The following DOP1B variants were observed in gnomAD, a reference collection of about 807,000 sequenced individuals.
DOP1B encodes the protein protein DOP1B.
Under a neutral mutation model 233.5 loss-of-function variants are expected in DOP1B, and 174 were observed. The ratio of observed to expected loss-of-function variants is 0.75; its 90% CI spans 0.66 to 0.85. The LOEUF (loss-of-function observed/expected upper bound fraction) is 0.85. Ranked by LOEUF, DOP1B falls within the 40% of genes least tolerant of loss-of-function variation. The probability of loss-of-function intolerance (pLI) is 0.00; values close to 1 mark genes in which losing one functional copy is unlikely to be tolerated. For synonymous variants in DOP1B, 1,190 were observed against 1,185.6 expected, an observed-to-expected ratio of 1.00 and a Z score of -0.08; for missense variants, 2,652 against 2,846.6, an observed-to-expected ratio of 0.93 and a Z score of 1.56.
Position 36,214,096 on chromosome 21 carries a change from G to T in DOP1B, c.920G>T (p.Gly307Val). The T allele has an allele frequency of 6.2e-7, 1 of 1,613,694 alleles. No individual in the cohort carries two copies. ...YAWLLGSDIK[G>V]NTVVPESEIS... Reference sequence around the variant, plus strand: ...TCTTTTGTAGGCTCAGACATAAAAGGAAATACCGTTGTGCCAGAATCTGAA... The same window carrying T: ...TCTTTTGTAGGCTCAGACATAAAAGTAAATACCGTTGTGCCAGAATCTGAA... Residue 307 changes from glycine to valine, a missense_variant, in exon 8 of 37, where the codon GGA (glycine) becomes GTA (valine). Physicochemically the swap from Gly to Val is moderately radical, Grantham distance 109. Coordinates refer to ENST00000691173, the MANE Select transcript of DOP1B (RefSeq NM_001320714.2).
chr21:36,227,761 A>G lies in DOP1B; in HGVS notation c.1549A>G (p.Met517Val), dbSNP rs1214646992. The G allele has an allele frequency of 1.9e-5, 30 of 1,613,664 alleles. No homozygotes were observed. Among genetic ancestry groups the G allele is most frequent in the Non-Finnish European group, 2.4e-5 (28 of 1,179,618 alleles). The change falls in exon 13 of 37, where the codon ATG becomes GTG. Residue 517 changes from methionine (M) to valine (V), a missense_variant. Transcript: ENST00000691173. ...CCTGGTGCAGCCTCTTGCTGAGGAC[A>G]TGGAGGCCTTAAGTTTACCTGAACT... ...GCLVQPLAED[M>V]EALSLPELTH...
chr21:36,251,308 G>T, intron 22 of DOP1B, 24 bp downstream of exon 22: 1 of 1,600,200 alleles, frequency 6.2e-7, no homozygotes, highest in South Asian at 1.1e-5. Flanking sequence ...AGTTACAGGA[G>T]TGGTTAAACT....
chr21:36,196,873 C>T (rs558019615), intron 2 of DOP1B, among the ~76,000 whole-genome samples: 19 of 152,012 alleles, frequency 1.2e-4, no homozygotes, highest in Admixed American at 1.1e-3. Context: ...GAACCATGAT[C>T]GCACACTTGC....
chr21:36,290,659 G>A (rs968766868), intron 35 of DOP1B, among the ~76,000 whole-genome samples: 1 of 152,056 alleles, frequency 6.6e-6, no homozygotes, highest in East Asian at 1.9e-4. Context: ...GCATGGTGGC[G>A]TATGCCTGTA....
chr21:36,188,153 C>G (rs551970676), intron 2 of DOP1B, among the ~76,000 whole-genome samples: 1 of 152,302 alleles, frequency 6.6e-6, no homozygotes, highest in East Asian at 1.9e-4. Flanking sequence ...TGATTAATCA[C>G]GTGCATGGCC....
intron 23 of DOP1B, among the ~76,000 whole-genome samples, chr21:36,256,775 A>AT (rs1484659206): frequency 6.6e-6 from 1 of 151,884 alleles, no homozygotes; most frequent in Non-Finnish European, 1.5e-5. Flanking sequence ...AAAAAAAAAA[A>AT]CAACTGTGTC....
intron 15 of DOP1B, among the ~76,000 whole-genome samples, chr21:36,236,567 T>C (rs2066829160): frequency 6.6e-6 from 1 of 152,130 alleles, no homozygotes; most frequent in Admixed American, 6.6e-5. Context: ...CCCCAGTGCC[T>C]GCTCGGCACC....
Position 36,214,575 on chromosome 21 carries a change from C to T in DOP1B, c.1129+19C>T, listed in dbSNP as rs1157893752. 4 of 1,602,878 alleles carry T rather than the reference C, an allele frequency of 2.5e-6. No homozygotes were observed. The highest frequency in any genetic ancestry group is 3.4e-6 in the Non-Finnish European group (4 of 1,170,460). On this transcript the variant is annotated intron_variant, in intron 9 of 36. Transcript: ENST00000691173. Reference sequence around the variant, plus strand: ...GAAATAGGTAATGTTAGAAATGCTGCTTCTATCCTATGCTGAATACAGATT... The same window carrying T: ...GAAATAGGTAATGTTAGAAATGCTGTTTCTATCCTATGCTGAATACAGATT...
chr21:36,293,607 G>T lies in DOP1B; in HGVS notation c.*36G>T. 13 of 1,600,040 alleles carry T rather than the reference G, an allele frequency of 8.1e-6. No individual in the cohort carries two copies. Among genetic ancestry groups the T allele is most frequent in the East Asian group, 2.2e-5 (1 of 44,766 alleles). ...GAGAATATGTTTAATCCATGTATTGGTACTTTACTGAAAACCAGGTTATAT... is the reference window on the plus strand; with the variant it reads ...GAGAATATGTTTAATCCATGTATTGTTACTTTACTGAAAACCAGGTTATAT... On this transcript the variant is annotated 3_prime_UTR_variant, in exon 37 of 37. Transcript: ENST00000691173.
intron 24 of DOP1B, among the ~76,000 whole-genome samples, 197 bp from the exon 25 acceptor site, chr21:36,263,349 G>C (rs2067195094): frequency 6.6e-6 from 1 of 151,844 alleles, no homozygotes; most frequent in African/African-American, 2.4e-5. Flanking sequence ...TAGGATTTCA[G>C]GTTCTCAAAC....
rs748790139 is a variant in DOP1B, at chr21:36,231,048, A to G, written c.2264A>G (p.His755Arg). 1 of 1,614,052 alleles carries G rather than the reference A, an allele frequency of 6.2e-7. No individual in the cohort carries two copies. Among genetic ancestry groups the G allele is most frequent in the Non-Finnish European group, 8.5e-7 (1 of 1,180,012 alleles). ...AGGGAGGCCTTTGCCGCCGCCTGCC[A>G]CCTGCTGCTGGATTGTGCCACTTTC... ...ERREAFAAAC[H>R]LLLDCATFPV... The change falls in exon 14 of 37, where the codon CAC (histidine) becomes CGC (arginine). Residue 755 changes from histidine (H) to arginine (R), a missense_variant. Coordinates refer to ENST00000691173, the MANE Select transcript of DOP1B (RefSeq NM_001320714.2).
rs1260879004 is a variant in DOP1B, at chr21:36,263,565, C to T, written c.5335C>T (p.Gln1779Ter). ...AAACAGGCTCCCAGTACCAGCCTTG[C>T]AAGAGAACTTTTCTTCACTGTTGGG... is the stretch of plus-strand genomic sequence containing the variant. ...FLQRLPVPAL[Q>*]ENFSSLLGVL... The change falls in exon 25 of 37, where the codon CAA (glutamine) becomes TAA (stop). Residue 1779 changes from glutamine (Q) to a stop codon, truncating the protein, a stop_gained. Coordinates refer to ENST00000691173, the MANE Select transcript of DOP1B (RefSeq NM_001320714.2). LOFTEE classifies it high-confidence loss of function. 6.2e-7 allele frequency: 1 copy of T among 1,614,142 alleles called. No homozygotes were observed. Among genetic ancestry groups the T allele is most frequent in the Non-Finnish European group, 8.5e-7 (1 of 1,180,014 alleles).
intron 32 of DOP1B, among the ~76,000 whole-genome samples, chr21:36,287,253 A>G (rs1162898075): frequency 2.6e-5 from 4 of 152,272 alleles, no homozygotes; most frequent in Non-Finnish European, 5.9e-5. Context: ...TAAATCTGTT[A>G]TATTTACTTG....
At chr21:36,169,357 A>G in intron 2 of DOP1B, 1 of 796,142 alleles carries the variant, frequency 1.3e-6, no homozygotes, top group East Asian at 2.4e-5. Flanking sequence ...CAGTGTGGTG[A>G]TGGTCGCCTT....
intron 2 of DOP1B, among the ~76,000 whole-genome samples, chr21:36,182,834 G>A (rs888987631): frequency 6.6e-5 from 10 of 152,148 alleles, no homozygotes; most frequent in African/African-American, 2.4e-4. Context: ...GTCTAAAAAA[G>A]AAGAGTCAAT....
intron 2 of DOP1B, among the ~76,000 whole-genome samples, chr21:36,174,705 G>T (rs1038455345): frequency 1.3e-5 from 2 of 152,164 alleles, no homozygotes; most frequent in Non-Finnish European, 2.9e-5. Context: ...TAGAGACAGG[G>T]TTTCACTATG....
chr21:36,182,245 G>A (rs540997147), intron 2 of DOP1B, among the ~76,000 whole-genome samples: 3 of 152,248 alleles, frequency 2.0e-5, no homozygotes, highest in South Asian at 2.1e-4. Flanking sequence ...GTTACCCACC[G>A]ATAACCATTC....
chr21:36,225,389 C>A (rs1194013114), intron 11 of DOP1B, among the ~76,000 whole-genome samples, 176 bp from the exon 12 acceptor site: 2 of 152,122 alleles, frequency 1.3e-5, no homozygotes, highest in African/African-American at 4.8e-5. Flanking sequence ...GCCACCACAC[C>A]TGGCTAATTT....
chr21:36,219,557 C>A (rs1423179332), intron 10 of DOP1B, 65 bp downstream of exon 10: 3 of 1,583,830 alleles, frequency 1.9e-6, no homozygotes, highest in Non-Finnish European at 2.6e-6. Context: ...TTTTTTTTTC[C>A]TCTCTTGCTT....
Sources: gnomAD v4.1 joint callset for allele counts (sites outside exome capture counted in the v4.1 genomes callset) on GRCh38, gnomAD v4.1.1 for gene constraint, MANE v1.5 for transcripts, NCBI Gene and HGNC (gene_info 2026-07-23, HGNC 2026-07-21) for gene names.